The following YPEL1 variants were observed in gnomAD, a reference collection of about 807,000 sequenced individuals.
The protein encoded by YPEL1 is yippee like 1, also known as protein yippee-like 1.
A neutral mutation model predicts 17.3 loss-of-function variants in YPEL1; 7 were observed. The observed-to-expected ratio is 0.40, with a 90% confidence interval of 0.23 to 0.76. The LOEUF (loss-of-function observed/expected upper bound fraction) is 0.76. YPEL1 is among the 30% of genes least tolerant of loss of function. YPEL1 has a pLI of 0.35. For synonymous variants in YPEL1, 59 were observed against 59.6 expected (o/e 0.99, Z 0.05); for missense variants, 91 against 155.5 (o/e 0.59, Z 2.21).
intron 1 of YPEL1, among the ~76,000 whole-genome samples, chr22:21,717,183 C>T (rs1037126299): frequency 1.3e-5 from 2 of 152,032 alleles, no homozygotes; most frequent in Non-Finnish European, 2.9e-5. Context: ...CGAGACCAGC[C>T]TGGCCAACAC....
chr22:21,709,661 G>T (rs1480812279), intron 2 of YPEL1, among the ~76,000 whole-genome samples: 1 of 152,136 alleles, frequency 6.6e-6, no homozygotes, highest in Non-Finnish European at 1.5e-5. Flanking sequence ...AAGAAGAAAA[G>T]ATTTCTGAAA....
At chr22:21,706,436 CAAAA>C (rs111878891) in intron 2 of YPEL1, among the ~76,000 whole-genome samples, 2 of 86,840 alleles carry the variant, frequency 2.3e-5, no homozygotes, top group Admixed American at 1.3e-4. Flanking sequence ...CTCCGTCTCA[CAAAA>C]AAAAAAAAAA....
At chr22:21,729,929 C>A (rs1324088473) in intron 1 of YPEL1, among the ~76,000 whole-genome samples, 1 of 152,066 alleles carries the variant, frequency 6.6e-6, no homozygotes, top group South Asian at 2.1e-4. Context: ...GGGCAGATCA[C>A]CTGAGGTCTG....
At chr22:21,710,446 A>G in intron 2 of YPEL1, 182 bp downstream of exon 2, 1 of 627,080 alleles carries the variant, frequency 1.6e-6, no homozygotes, top group Non-Finnish European at 2.8e-6. Context: ...CACATCTGAG[A>G]TCGTGGCACA....
Position 21,700,209 on chromosome 22 carries a change from G to A in YPEL1, c.*920C>T, listed in dbSNP as rs545434811. The A allele has an allele frequency of 1.3e-5, 2 of 152,444 alleles. No homozygotes were observed. The highest frequency in any genetic ancestry group is 4.8e-5 in the African/African-American group (2 of 41,576). 9.4% of individuals were successfully genotyped at this position (152,444 alleles called of 1,614,324 possible). A position where few individuals can be genotyped will look rare whatever the true frequency, so the allele number is the denominator to read the frequency against. On this transcript the variant is annotated 3_prime_UTR_variant, in exon 5 of 5. Coordinates refer to ENST00000339468, the MANE Select transcript of YPEL1 (RefSeq NM_013313.5). ...GTTCTGCAAATTTAAGAAAAACAGCGGGGTGGAGGGTGGGCTACAATACCT... is the reference window on the plus strand; with the variant it reads ...GTTCTGCAAATTTAAGAAAAACAGCAGGGTGGAGGGTGGGCTACAATACCT...
intron 1 of YPEL1, among the ~76,000 whole-genome samples, chr22:21,723,840 T>C (rs961439098): frequency 1.3e-4 from 20 of 150,986 alleles, no homozygotes; most frequent in Admixed American, 2.0e-4. Context: ...TGATTTTTTG[T>C]ATTTTTAGTA....
intron 1 of YPEL1, among the ~76,000 whole-genome samples, chr22:21,732,747 A>G (rs2068400532): frequency 6.6e-6 from 1 of 151,866 alleles, no homozygotes; most frequent in African/African-American, 2.4e-5. Flanking sequence ...ACGCCACTGC[A>G]CTCCAGCCTG....
chr22:21,698,355 A>AAAT lies in YPEL1; in HGVS notation c.*2771_*2773dup, dbSNP rs1002339107. 77 of 152,444 alleles carry AAAT rather than the reference A, an allele frequency of 5.1e-4. No homozygotes were observed. Among genetic ancestry groups the AAAT allele is most frequent in the African/African-American group, 1.8e-3 (76 of 41,570 alleles). 9.4% of individuals were successfully genotyped at this position (152,444 alleles called of 1,614,324 possible). On this transcript the variant is annotated 3_prime_UTR_variant, in exon 5 of 5. Coordinates refer to ENST00000339468, the MANE Select transcript of YPEL1 (RefSeq NM_013313.5). ...AGACAGTACAAAAACCAAAGTGCCC[A>AAAT]AATAGAAGGAGCAGCGAACTTGCCC...
rs902472932 is a variant in YPEL1 at position 21,703,688 on chromosome 22, T to C, written c.161+151A>G. On this transcript the variant is annotated intron_variant, in intron 3 of 4. Coordinates refer to ENST00000339468, the MANE Select transcript of YPEL1 (RefSeq NM_013313.5). The surrounding 1 kb of genome is among the most constrained non-coding windows in gnomAD (Gnocchi z 6.1). ...GGGACAGGCTAGGGGGCAAGATCCT[T>C]AGCGCGTTTCAGAAACTCCCGGCGG... 2.4e-6 allele frequency: 2 copies of C among 842,772 alleles called. No individual in the cohort carries two copies. The highest frequency in any genetic ancestry group is 2.7e-5 in the East Asian group (1 of 37,058). 52.2% of individuals were successfully genotyped at this position (842,772 alleles called of 1,614,324 possible). A position where few individuals can be genotyped will look rare whatever the true frequency, so the allele number is the denominator to read the frequency against.
chr22:21,713,999 G>A (rs1036609743), intron 1 of YPEL1, among the ~76,000 whole-genome samples: 6 of 152,130 alleles, frequency 3.9e-5, no homozygotes, highest in South Asian at 2.1e-4. Context: ...AGAGCCAAGC[G>A]CCAGCAGTGT....
chr22:21,707,688 T>C (rs2068127266), intron 2 of YPEL1, among the ~76,000 whole-genome samples: 1 of 152,234 alleles, frequency 6.6e-6, no homozygotes, highest in South Asian at 2.1e-4. Context: ...TTCCTAATTC[T>C]CACCTACTCT....
In YPEL1 at chr22:21,734,308, C is replaced by T. The variant is rs529079605; in HGVS notation, c.-165+1307G>A. On this transcript the variant is annotated intron_variant, in intron 1 of 4. Coordinates refer to ENST00000339468, the MANE Select transcript of YPEL1 (RefSeq NM_013313.5). Reference sequence around the variant, plus strand: ...TACCCACAGTTTAGTGACAAGAATGCACCCAGGTGTTTTTCATATTGGCAA... The same window carrying T: ...TACCCACAGTTTAGTGACAAGAATGTACCCAGGTGTTTTTCATATTGGCAA... 1.4e-4 allele frequency among the ~76,000 whole-genome samples: 21 copies of T among 152,324 alleles called. No individual in the cohort carries two copies. The South Asian group carries it at 4.1e-3, about 30-fold the overall frequency.
At chr22:21,701,933 CCCAGG>C (rs2068070758) in intron 4 of YPEL1, among the ~76,000 whole-genome samples, 1 of 152,142 alleles carries the variant, frequency 6.6e-6, no homozygotes, top group Non-Finnish European at 1.5e-5. Context: ...TGCCTGTAGT[CCCAGG>C]TACTTGGGAG....
chr22:21,729,172 A>G (rs1179240034), intron 1 of YPEL1, among the ~76,000 whole-genome samples: 3 of 151,928 alleles, frequency 2.0e-5, no homozygotes, highest in African/African-American at 7.3e-5. Context: ...TTAGCCGGGC[A>G]TGGTGGTGCA....
Position 21,715,669 on chromosome 22 carries a change from C to T in YPEL1, c.-164-4761G>A, listed in dbSNP as rs865977181. Among the ~76,000 whole-genome samples, 3 of 121,792 alleles carry T rather than the reference C, an allele frequency of 2.5e-5. No homozygotes were observed. In the South Asian group the frequency reaches 7.5e-4, roughly 30 times the overall value. The allele number at this position is 121,792 out of a possible 152,430, so 79.9% of individuals were successfully genotyped here. On this transcript the variant is annotated intron_variant, in intron 1 of 4. Transcript: ENST00000339468. ...CCATCTGCGCTCACTGCAACCTCCG[C>T]CTCCCGGGTTCAAGTGATTCTCCTG... is the stretch of plus-strand genomic sequence containing the variant.
At chr22:21,711,976 C>T (rs2068170666) in intron 1 of YPEL1, among the ~76,000 whole-genome samples, 1 of 151,974 alleles carries the variant, frequency 6.6e-6, no homozygotes. Context: ...GAACTCAAAA[C>T]CAGCCTGGGC....
intron 1 of YPEL1, among the ~76,000 whole-genome samples, chr22:21,734,350 T>C (rs191684478): frequency 1.1e-3 from 167 of 152,288 alleles, no homozygotes; most frequent in Middle Eastern, 3.4e-3. Flanking sequence ...CACAGCAGTG[T>C]AGGATGGGGT....
At chr22:21,715,785 CAG>C (rs1349896901) in intron 1 of YPEL1, among the ~76,000 whole-genome samples, 1 of 91,966 alleles carries the variant, frequency 1.1e-5, no homozygotes, top group Non-Finnish European at 2.3e-5. Context: ...TTTTTTGAGA[CAG>C]AGTTTCGCTC....
chr22:21,703,557 C>T lies in YPEL1; in HGVS notation c.162-79G>A. 1 of 1,340,938 alleles carries T rather than the reference C, an allele frequency of 7.5e-7. No individual in the cohort carries two copies. Among genetic ancestry groups the T allele is most frequent in the Non-Finnish European group, 1.1e-6 (1 of 950,670 alleles). The allele number at this position is 1,340,938 out of a possible 1,614,324, so 83.1% of individuals were successfully genotyped here. A position where few individuals can be genotyped will look rare whatever the true frequency, so the allele number is the denominator to read the frequency against. ...CCCTGCCCCCTCAGCGGGCCCCACCCCATCCTCCTAAGAGTTCCCCCAAAA... is the reference window on the plus strand; with the variant it reads ...CCCTGCCCCCTCAGCGGGCCCCACCTCATCCTCCTAAGAGTTCCCCCAAAA... On this transcript the variant is annotated intron_variant, in intron 3 of 4. Coordinates refer to ENST00000339468, the MANE Select transcript of YPEL1 (RefSeq NM_013313.5). This position sits in a 1 kb window ranked among gnomAD's most constrained non-coding sequence, Gnocchi z 6.1.
Sources: allele counts gnomAD v4.1 joint callset (sites outside exome capture counted in the v4.1 genomes callset), GRCh38; gene constraint gnomAD v4.1.1; non-coding constraint Gnocchi (gnomAD v3.1); transcripts MANE v1.5; gene names NCBI Gene and HGNC (gene_info 2026-07-23, HGNC 2026-07-21).